DPP10: variants seen among roughly 807,000 people sequenced by gnomAD.
DPP10 encodes inactive dipeptidyl peptidase 10.
DPP10 carries 33 observed loss-of-function variants against 120.9 expected under a neutral mutation model. That is an observed-to-expected ratio of 0.27 (90% CI 0.21 to 0.37). DPP10 has a LOEUF of 0.37. DPP10 is among the 10% of genes least tolerant of loss of function. The pLI is 1.00. For synonymous variants in DPP10, 337 were observed against 326.1 expected (o/e 1.03, Z -0.36); for missense variants, 816 against 942.8 (o/e 0.87, Z 1.76).
chr2:115,168,226 A>G (rs1469556205), intron 1 of DPP10, among the ~76,000 whole-genome samples: 1 of 152,190 alleles, frequency 6.6e-6, no homozygotes, highest in Non-Finnish European at 1.5e-5. Context: ...CCACTTATTA[A>G]AATCATCTCC....
intron 5 of DPP10, among the ~76,000 whole-genome samples, chr2:115,550,356 A>C (rs139480546): frequency 6.6e-6 from 1 of 152,246 alleles, no homozygotes; most frequent in Non-Finnish European, 1.5e-5. Context: ...TCTCATACCA[A>C]TCCCTGTAAC....
intron 3 of DPP10, among the ~76,000 whole-genome samples, chr2:115,372,695 C>A (rs1047390685): frequency 2.0e-5 from 3 of 152,140 alleles, no homozygotes; most frequent in Non-Finnish European, 4.4e-5. Flanking sequence ...AGATTGCTGA[C>A]CAGCTCCTGG....
intron 1 of DPP10, among the ~76,000 whole-genome samples, chr2:114,970,305 G>A (rs1278569827): frequency 1.3e-5 from 2 of 152,088 alleles, no homozygotes; most frequent in East Asian, 1.9e-4. Flanking sequence ...TTGCTCCAGA[G>A]GTTTTATAGC....
intron 5 of DPP10, among the ~76,000 whole-genome samples, chr2:115,549,632 T>C (rs2079750798): frequency 6.6e-6 from 1 of 152,158 alleles, no homozygotes. Context: ...AGACTCCTAT[T>C]TGATCTCTAT....
chr2:114,955,621 A>G (rs1698141574), intron 1 of DPP10, among the ~76,000 whole-genome samples: 3 of 152,168 alleles, frequency 2.0e-5, no homozygotes, highest in African/African-American at 7.2e-5. Context: ...CTCCTATCGA[A>G]ACTAAATAAG....
rs1169349472 is a variant in DPP10, at chr2:115,567,820, G to A, written c.441+41848G>A. ...ACATTCACAATAGCAGTGTTTGAGT[G>A]TGCTAGTTTCCCTTGAACTTTGCCA... On this transcript the variant is annotated intron_variant, in intron 5 of 25. Coordinates refer to ENST00000410059, the MANE Select transcript of DPP10 (RefSeq NM_020868.6). Among the ~76,000 whole-genome samples, 5 of 152,166 alleles carry A rather than the reference G, an allele frequency of 3.3e-5. No homozygotes were observed. The East Asian group carries it at 9.6e-4, about 29-fold the overall frequency.
At chr2:114,996,857 C>T (rs1701117628) in intron 1 of DPP10, among the ~76,000 whole-genome samples, 1 of 151,720 alleles carries the variant, frequency 6.6e-6, no homozygotes, top group Non-Finnish European at 1.5e-5. Context: ...TGGCGCACAG[C>T]TGTACTCCCA....
chr2:114,809,749 G>A (rs1471013910), intron 1 of DPP10, among the ~76,000 whole-genome samples: 4 of 152,180 alleles, frequency 2.6e-5, no homozygotes, highest in African/African-American at 7.2e-5. Context: ...TACGGCTTGC[G>A]AAACCCACTC....
intron 1 of DPP10, among the ~76,000 whole-genome samples, chr2:114,818,331 G>C (rs138529186): frequency 1.3e-5 from 2 of 152,230 alleles, no homozygotes; most frequent in East Asian, 1.9e-4. Flanking sequence ...CTCTAACAGA[G>C]GGTCATTTCT....
chr2:115,619,268 G>C (rs1182494936), intron 5 of DPP10, among the ~76,000 whole-genome samples: 1 of 151,060 alleles, frequency 6.6e-6, no homozygotes, highest in African/African-American at 2.4e-5. Flanking sequence ...GTAGAGATGG[G>C]ATTTCACCAT....
intron 4 of DPP10, among the ~76,000 whole-genome samples, chr2:115,524,986 CAAA>C (rs2078038384): frequency 1.3e-5 from 2 of 152,094 alleles, no homozygotes; most frequent in South Asian, 2.1e-4. Flanking sequence ...AACAAACAAA[CAAA>C]AACAAAACAA....
At chr2:115,661,870 G>A (rs1329355956) in intron 5 of DPP10, among the ~76,000 whole-genome samples, 1 of 152,144 alleles carries the variant, frequency 6.6e-6, no homozygotes, top group Non-Finnish European at 1.5e-5. Context: ...CTATTTTTGT[G>A]TGATAAGAAT....
At position 115,707,421 on chromosome 2, in the gene DPP10, TACACACACAC is replaced by T. The variant is rs35961586; in HGVS notation, c.576+17533_576+17542del. Among the ~76,000 whole-genome samples the T allele has an allele frequency of 9.4e-4, 130 of 138,800 alleles. 1 individual carries two copies. The highest frequency in any genetic ancestry group is 3.1e-3 in the South Asian group (13 of 4,188). The allele number at this position is 138,800 out of a possible 152,430, so 91.1% of individuals were successfully genotyped here. A position where few individuals can be genotyped will look rare whatever the true frequency, so the allele number is the denominator to read the frequency against. ...AATTAAGTAAGAAACAAACAAATTT[TACACACACAC>T]ACACACACACACACACACACACACA... On this transcript the variant is annotated intron_variant, in intron 7 of 25. Transcript: ENST00000410059.
chr2:114,789,158 C>T (rs1211894924), intron 1 of DPP10, among the ~76,000 whole-genome samples: 2 of 128,292 alleles, frequency 1.6e-5, no homozygotes, highest in Admixed American at 7.5e-5. Context: ...CTGGGTTAAG[C>T]GCCATCACTG....
At position 115,753,405 on chromosome 2, in the gene DPP10, T is replaced by C. The variant is rs966307208; in HGVS notation, c.1074+108T>C. The C allele has an allele frequency of 2.0e-5, 20 of 1,019,078 alleles. No homozygotes were observed. The African/African-American group carries it at 2.1e-4, about 11-fold the overall frequency. The allele number at this position is 1,019,078 out of a possible 1,614,324, so 63.1% of individuals were successfully genotyped here. ...ACAAAAAAAATTCAGTGTTTAACTT[T>C]TAAAACTAATAGGAAAAGAATTATT... is the stretch of plus-strand genomic sequence containing the variant. On this transcript the variant is annotated intron_variant, in intron 11 of 25. Coordinates refer to ENST00000410059, the MANE Select transcript of DPP10 (RefSeq NM_020868.6).
intron 1 of DPP10, among the ~76,000 whole-genome samples, chr2:114,753,750 A>G (rs943496084): frequency 6.6e-6 from 1 of 151,926 alleles, no homozygotes; most frequent in Admixed American, 6.6e-5. Flanking sequence ...TATACTTAAA[A>G]TACAAAAAAT....
chr2:114,849,882 A>G (rs1337758519), intron 1 of DPP10, among the ~76,000 whole-genome samples: 1 of 151,808 alleles, frequency 6.6e-6, no homozygotes, highest in African/African-American at 2.4e-5. Context: ...GGCACCTTTT[A>G]TATTTAGAGA....
chr2:114,824,574 C>T lies in DPP10; in HGVS notation c.60+381736C>T, dbSNP rs557066610. Among the ~76,000 whole-genome samples the T allele has an allele frequency of 1.3e-4, 19 of 151,506 alleles. No homozygotes were observed. The South Asian group carries it at 4.0e-3, about 32-fold the overall frequency. ...ATCAATGGATTCAGCAAGTTTTGTTCATTTCAGATATTTGGTACATCAGAG... is the reference window on the plus strand; with the variant it reads ...ATCAATGGATTCAGCAAGTTTTGTTTATTTCAGATATTTGGTACATCAGAG... On this transcript the variant is annotated intron_variant, in intron 1 of 25. Transcript: ENST00000410059.
intron 2 of DPP10, among the ~76,000 whole-genome samples, chr2:115,309,840 T>C (rs958191595): frequency 6.6e-6 from 1 of 152,132 alleles, no homozygotes; most frequent in Non-Finnish European, 1.5e-5. Flanking sequence ...TTCCTTTCTT[T>C]CCTAAAGTTT....
Sources: gnomAD v4.1 joint callset for allele counts (sites outside exome capture counted in the v4.1 genomes callset) on GRCh38, gnomAD v4.1.1 for gene constraint, MANE v1.5 for transcripts, NCBI Gene and HGNC (gene_info 2026-07-23, HGNC 2026-07-21) for gene names.